Variants in TBC1D22A observed in about 807,000 individuals in gnomAD.
The protein encoded by TBC1D22A is TBC1 domain family member 22A, also known as putative GTPase activator.
TBC1D22A carries 38 observed loss-of-function variants against 60.2 expected under a neutral mutation model. That is an observed-to-expected ratio of 0.63 (90% CI 0.49 to 0.83). The LOEUF (loss-of-function observed/expected upper bound fraction) is 0.83. Among genes scored for constraint, TBC1D22A ranks in the 40% least tolerant of loss-of-function variants. TBC1D22A has a pLI of 0.00. For synonymous variants in TBC1D22A, 302 were observed against 281.7 expected (o/e 1.07, Z -0.72); for missense variants, 628 against 701.0 (o/e 0.90, Z 1.18).
chr22:46,903,079 G>A (rs889236243), intron 7 of TBC1D22A, among the ~76,000 whole-genome samples: 8 of 152,194 alleles, frequency 5.3e-5, no homozygotes, highest in South Asian at 4.1e-4. Context: ...TTCCTGGCCC[G>A]GTTGGGCCGT....
At chr22:47,005,696 A>G (rs2061566563) in intron 10 of TBC1D22A, among the ~76,000 whole-genome samples, 1 of 151,088 alleles carries the variant, frequency 6.6e-6, no homozygotes. Context: ...ACACCTACAC[A>G]GATACACCTA....
intron 4 of TBC1D22A, among the ~76,000 whole-genome samples, chr22:46,798,071 C>T (rs2084736206): frequency 6.6e-6 from 1 of 152,126 alleles, no homozygotes; most frequent in Admixed American, 6.6e-5. Flanking sequence ...AGATACGGGT[C>T]TGCCTGTGTT....
chr22:46,883,321 T>C (rs1247081389), intron 5 of TBC1D22A, among the ~76,000 whole-genome samples: 1 of 152,264 alleles, frequency 6.6e-6, no homozygotes, highest in Admixed American at 6.5e-5. Context: ...TTTACATTTA[T>C]GATGAGTGTT....
At position 47,175,450 on chromosome 22, in the gene TBC1D22A, A is replaced by T. The variant is rs959501484; in HGVS notation, c.*1824A>T. On this transcript the variant is annotated 3_prime_UTR_variant, in exon 13 of 13. Transcript: ENST00000337137. The stretch of plus-strand genomic sequence containing the variant: ...GGGAGGATCCCCTTCTCCAGCTCAG[A>T]TCATGCCGTGTGGCCAGAAGGCTGC... 6.6e-6 allele frequency: 1 copy of T among 150,776 alleles called. No individual in the cohort carries two copies. The highest frequency in any genetic ancestry group is 2.5e-5 in the African/African-American group (1 of 40,038). 9.3% of individuals were successfully genotyped at this position (150,776 alleles called of 1,614,324 possible).
intron 11 of TBC1D22A, among the ~76,000 whole-genome samples, chr22:47,071,749 C>T (rs77227654): frequency 6.6e-6 from 1 of 152,112 alleles, no homozygotes; most frequent in Non-Finnish European, 1.5e-5. Context: ...AAGAAATGAG[C>T]CAGTCCTAAT....
chr22:47,093,823 G>T (rs2065073140), intron 11 of TBC1D22A, among the ~76,000 whole-genome samples: 1 of 152,094 alleles, frequency 6.6e-6, no homozygotes, highest in Admixed American at 6.5e-5. Flanking sequence ...GGTGTTTTTT[G>T]GTTGAGGTTG....
chr22:46,874,345 T>C (rs1355110635), intron 4 of TBC1D22A, among the ~76,000 whole-genome samples: 2 of 152,092 alleles, frequency 1.3e-5, no homozygotes, highest in East Asian at 3.9e-4. Context: ...CTCTAGGTCT[T>C]TGAGGAATTG....
At chr22:46,854,806 A>G (rs1326689046) in intron 4 of TBC1D22A, among the ~76,000 whole-genome samples, 1 of 152,150 alleles carries the variant, frequency 6.6e-6, no homozygotes. Flanking sequence ...CCTGATATTT[A>G]ATGCCTTTCT....
At chr22:47,132,587 C>T (rs545427538) in intron 12 of TBC1D22A, among the ~76,000 whole-genome samples, 1 of 152,228 alleles carries the variant, frequency 6.6e-6, no homozygotes, top group South Asian at 2.1e-4. Context: ...GAGCTGCCTC[C>T]TTGCCTGGGT....
At chr22:47,035,206 C>A (rs2062615357) in intron 10 of TBC1D22A, among the ~76,000 whole-genome samples, 1 of 152,212 alleles carries the variant, frequency 6.6e-6, no homozygotes, top group South Asian at 2.1e-4. Flanking sequence ...CCAGGGACCC[C>A]CACCCCCGCC....
At chr22:47,105,555 C>G (rs1409359515) in intron 11 of TBC1D22A, among the ~76,000 whole-genome samples, 1 of 152,178 alleles carries the variant, frequency 6.6e-6, no homozygotes, top group East Asian at 1.9e-4. Context: ...TCTTTCTTAG[C>G]CTTGGCCAGG....
At chr22:46,786,332 T>G (rs1412174507) in intron 1 of TBC1D22A, among the ~76,000 whole-genome samples, 1 of 152,246 alleles carries the variant, frequency 6.6e-6, no homozygotes, top group East Asian at 1.9e-4. Flanking sequence ...TTTTGGTTAT[T>G]AAACCAACCT....
In TBC1D22A at chr22:47,000,131, C is replaced by T. The variant is rs74495504; in HGVS notation, c.1201+2422C>T. ...GTGAAGGAAAACATCTTCATGGACT[C>T]GTTGATTAAGAATGGAGAGGTTTTG... On this transcript the variant is annotated intron_variant, in intron 10 of 12. Transcript: ENST00000337137. Among the ~76,000 whole-genome samples the T allele has an allele frequency of 7.7e-3, 1,178 of 152,192 alleles. 21 individuals carry two copies. The highest frequency in any genetic ancestry group is 0.027 in the African/African-American group (1,117 of 41,510).
rs144212074 is a variant in TBC1D22A, at chr22:47,018,527, G to A, written c.1202-18544G>A. ...CCTCTTGGAACCAGTCCGTCTGTCC[G>A]TCCCACTCTCTCCCCTGCTTGGGCT... On this transcript the variant is annotated intron_variant, in intron 10 of 12. Coordinates refer to ENST00000337137, the MANE Select transcript of TBC1D22A (RefSeq NM_014346.5). Among the ~76,000 whole-genome samples the A allele has an allele frequency of 4.2e-4, 64 of 152,154 alleles. No homozygotes were observed. In the East Asian group the frequency reaches 0.011, roughly 26 times the overall value.
At chr22:47,084,314 C>G (rs2147580368) in intron 11 of TBC1D22A, among the ~76,000 whole-genome samples, 1 of 152,336 alleles carries the variant, frequency 6.6e-6, no homozygotes. Context: ...CCCGAGGTGC[C>G]ACTTGAGAGC....
chr22:47,114,240 A>AGGGTGTG (rs375583744), intron 12 of TBC1D22A, among the ~76,000 whole-genome samples: 2,093 of 145,186 alleles, frequency 0.014, 42 homozygotes, highest in African/African-American at 0.048. Context: ...CCACACGGCC[A>AGGGTGTG]GGGTGTGGGG....
At chr22:47,170,406 TG>T (rs1378853284) in intron 12 of TBC1D22A, among the ~76,000 whole-genome samples, 3 of 152,232 alleles carry the variant, frequency 2.0e-5, no homozygotes, top group Non-Finnish European at 4.4e-5. Flanking sequence ...AGAATTGGAT[TG>T]GCATCCATGT....
chr22:47,089,365 A>G (rs1018288714), intron 11 of TBC1D22A, among the ~76,000 whole-genome samples: 4 of 152,286 alleles, frequency 2.6e-5, no homozygotes, highest in Non-Finnish European at 5.9e-5. Context: ...GTAATAAATG[A>G]AATGGCATTG....
At chr22:47,103,653 A>G (rs5766673) in intron 11 of TBC1D22A, among the ~76,000 whole-genome samples, 72,607 of 152,014 alleles carry the variant, frequency 0.48, 19,109 homozygotes, top group African/African-American at 0.72. Context: ...GGGATATAGG[A>G]GTCGCAGTGG....
Sources: gnomAD v4.1 joint callset for allele counts (sites outside exome capture counted in the v4.1 genomes callset) on GRCh38, gnomAD v4.1.1 for gene constraint, MANE v1.5 for transcripts, NCBI Gene and HGNC (gene_info 2026-07-23, HGNC 2026-07-21) for gene names.